The following CENPP variants were observed in gnomAD, a reference collection of about 807,000 sequenced individuals.
The protein encoded by CENPP is centromere protein P.
Under a neutral mutation model 35.6 loss-of-function variants are expected in CENPP, and 24 were observed. That is an observed-to-expected ratio of 0.67 (90% CI 0.49 to 0.95). The LOEUF is 0.95. Among genes scored for constraint, CENPP ranks in the 40% least tolerant of loss-of-function variants. The pLI is 0.00. For synonymous variants in CENPP, 120 were observed against 125.5 expected (o/e 0.96, Z 0.29); for missense variants, 332 against 345.3 (o/e 0.96, Z 0.31).
At chr9:92,573,623 A>C (rs993323816) in intron 5 of CENPP, among the ~76,000 whole-genome samples, 1 of 152,162 alleles carries the variant, frequency 6.6e-6, no homozygotes, top group South Asian at 2.1e-4. Context: ...GCTCTCTTCA[A>C]AGCTGTCAGA....
chr9:92,405,286 AT>A (rs938632881), intron 5 of CENPP, among the ~76,000 whole-genome samples: 1 of 151,592 alleles, frequency 6.6e-6, no homozygotes, highest in Non-Finnish European at 1.5e-5. Context: ...AACTTTGAAG[AT>A]TTTTTTAAAG....
intron 5 of CENPP, among the ~76,000 whole-genome samples, chr9:92,440,690 C>T (rs1468771542): frequency 6.6e-6 from 1 of 152,046 alleles, no homozygotes; most frequent in Non-Finnish European, 1.5e-5. Flanking sequence ...AAGTTATGAC[C>T]ACAATTAATG....
chr9:92,407,301 T>C (rs938413919), intron 5 of CENPP, among the ~76,000 whole-genome samples: 1 of 152,192 alleles, frequency 6.6e-6, no homozygotes, highest in Admixed American at 6.5e-5. Context: ...CTTCCTGGCA[T>C]AGCCACCTCT....
Position 92,618,340 on chromosome 9 carries a change from G to A in CENPP, c.*5191G>A, listed in dbSNP as rs757893964. On this transcript the variant is annotated 3_prime_UTR_variant, in exon 8 of 8. Coordinates refer to ENST00000375587, the MANE Select transcript of CENPP (RefSeq NM_001012267.3). The stretch of plus-strand genomic sequence containing the variant: ...TGTCGTTTCTGCTGAGCAGCTGGTC[G>A]TAAGGACCCGGGCCTTCAGCTTTCC... 6 of 456,680 alleles carry A rather than the reference G, an allele frequency of 1.3e-5. No homozygotes were observed. The highest frequency in any genetic ancestry group is 4.0e-5 in the African/African-American group (2 of 50,172). 28.3% of individuals were successfully genotyped at this position (456,680 alleles called of 1,614,324 possible). A position where few individuals can be genotyped will look rare whatever the true frequency, so the allele number is the denominator to read the frequency against.
intron 5 of CENPP, among the ~76,000 whole-genome samples, chr9:92,509,420 A>G (rs1179632077): frequency 6.6e-6 from 1 of 152,198 alleles, no homozygotes; most frequent in Non-Finnish European, 1.5e-5. Flanking sequence ...AGGTTCCAAC[A>G]CATGATAAAT....
chr9:92,395,286 T>C (rs1461897251), intron 5 of CENPP, among the ~76,000 whole-genome samples: 1 of 152,212 alleles, frequency 6.6e-6, no homozygotes, highest in East Asian at 1.9e-4. Flanking sequence ...ATTAAAAGAA[T>C]CATGGAGTAT....
intron 5 of CENPP, among the ~76,000 whole-genome samples, chr9:92,518,167 A>G (rs937850827): frequency 6.6e-6 from 1 of 152,152 alleles, no homozygotes; most frequent in African/African-American, 2.4e-5. Flanking sequence ...ATTATACAAC[A>G]TCAACAAACA....
chr9:92,438,423 G>A (rs1475527579), intron 5 of CENPP, among the ~76,000 whole-genome samples: 1 of 152,112 alleles, frequency 6.6e-6, no homozygotes, highest in East Asian at 1.9e-4. Context: ...CTGTTCTATT[G>A]CTCTATGTGT....
rs996191927 is a variant in CENPP at position 92,619,816 on chromosome 9, G to A, written c.*6667G>A. ...CCTGACCTCTCACGGCAAGCAGTGTGGGACCCCGACTCCAGACCCTGAGAC... is the reference window on the plus strand; with the variant it reads ...CCTGACCTCTCACGGCAAGCAGTGTAGGACCCCGACTCCAGACCCTGAGAC... On this transcript the variant is annotated 3_prime_UTR_variant, in exon 8 of 8. Coordinates refer to ENST00000375587, the MANE Select transcript of CENPP (RefSeq NM_001012267.3). 101 of 531,978 alleles carry A rather than the reference G, an allele frequency of 1.9e-4. No individual in the cohort carries two copies. Among genetic ancestry groups the A allele is most frequent in the Non-Finnish European group, 6.1e-5 (18 of 292,890 alleles). The allele number at this position is 531,978 out of a possible 1,614,324, so 33.0% of individuals were successfully genotyped here. A position where few individuals can be genotyped will look rare whatever the true frequency, so the allele number is the denominator to read the frequency against.
chr9:92,326,999 G>A (rs1262779410), intron 1 of CENPP, among the ~76,000 whole-genome samples: 2 of 152,138 alleles, frequency 1.3e-5, no homozygotes, highest in African/African-American at 4.8e-5. Context: ...TAAAGGGAGA[G>A]GAAAAAGGTG....
intron 5 of CENPP, among the ~76,000 whole-genome samples, chr9:92,569,838 A>C (rs1274210440): frequency 6.6e-6 from 1 of 152,088 alleles, no homozygotes. Flanking sequence ...TTCTCTTTGA[A>C]GCAATTGTGA....
chr9:92,465,647 C>T (rs182742696), intron 5 of CENPP, among the ~76,000 whole-genome samples: 247 of 152,130 alleles, frequency 1.6e-3, no homozygotes, highest in African/African-American at 5.7e-3. Flanking sequence ...TTCCTCACAT[C>T]GATAATCTTA....
chr9:92,326,061 G>A lies in CENPP; in HGVS notation c.63G>A (p.Ala21=). 6.4e-7 allele frequency: 1 copy of A among 1,564,048 alleles called. No individual in the cohort carries two copies. Among genetic ancestry groups the A allele is most frequent in the Non-Finnish European group, 8.7e-7 (1 of 1,154,768 alleles). Residue 21 remains alanine (A), a synonymous_variant, in exon 1 of 8, where the codon GCG becomes GCA. Coordinates refer to ENST00000375587, the MANE Select transcript of CENPP (RefSeq NM_001012267.3). ...CTGAGATCGCGGCCCTGCGGCGAGC[G>A]TGTGAGGACCCACCGGCGCCCTGGG... ...LQAEIAALRR[A]CEDPPAPWEE... is the part of the protein sequence containing the mutation.
intron 4 of CENPP, among the ~76,000 whole-genome samples, chr9:92,375,383 C>T (rs1483721989): frequency 1.3e-5 from 2 of 152,036 alleles, no homozygotes; most frequent in Non-Finnish European, 2.9e-5. Context: ...ACCTCTGCCT[C>T]CTGGGTTCAA....
At chr9:92,554,112 C>T (rs1849668776) in intron 5 of CENPP, among the ~76,000 whole-genome samples, 1 of 151,946 alleles carries the variant, frequency 6.6e-6, no homozygotes, top group South Asian at 2.1e-4. Flanking sequence ...GAGTTTTAAT[C>T]GTAAAGCGAT....
At chr9:92,448,750 C>A (rs1049383755) in intron 5 of CENPP, among the ~76,000 whole-genome samples, 3 of 152,068 alleles carry the variant, frequency 2.0e-5, no homozygotes, top group African/African-American at 7.3e-5. Context: ...ACAATAGTTA[C>A]GTTATTTCCA....
At chr9:92,460,056 CT>C (rs869237016) in intron 5 of CENPP, among the ~76,000 whole-genome samples, 14,075 of 109,538 alleles carry the variant, frequency 0.13, 722 homozygotes, top group Middle Eastern at 0.2. Context: ...AACGGTGGTT[CT>C]TTTTTTTTTT....
intron 5 of CENPP, among the ~76,000 whole-genome samples, chr9:92,551,955 T>TG (rs1849606648): frequency 1.7e-5 from 2 of 119,748 alleles, no homozygotes; most frequent in East Asian, 2.1e-4. Flanking sequence ...ATATATATGA[T>TG]ATATATATGT....
intron 5 of CENPP, among the ~76,000 whole-genome samples, chr9:92,571,502 A>T (rs1162902109): frequency 6.6e-6 from 1 of 152,252 alleles, no homozygotes; most frequent in East Asian, 1.9e-4. Context: ...ACTTCCAACT[A>T]TGTGGTCAAT....
Sources: gnomAD v4.1 joint callset for allele counts (sites outside exome capture counted in the v4.1 genomes callset) on GRCh38, gnomAD v4.1.1 for gene constraint, MANE v1.5 for transcripts, NCBI Gene and HGNC (gene_info 2026-07-23, HGNC 2026-07-21) for gene names.